The following PREX2 variants were observed in gnomAD, a reference collection of about 807,000 sequenced individuals.
PREX2 encodes phosphatidylinositol-3,4,5-trisphosphate dependent Rac exchange factor 2, also known as phosphatidylinositol 3,4,5-trisphosphate-dependent Rac exchanger 2 protein.
In PREX2, 107 loss-of-function variants were observed where a neutral mutation model predicts 203.2. The observed-to-expected ratio is 0.53, with a 90% CI of 0.45 to 0.62. The LOEUF is 0.62. PREX2 is among the 20% of genes least tolerant of loss of function. The probability of loss-of-function intolerance (pLI) is 0.00; values close to 1 mark genes in which losing one functional copy is unlikely to be tolerated. For missense variants in PREX2, 1,777 were observed against 1,955.9 expected (o/e 0.91, Z 1.72); for synonymous variants, 672 against 663.6 (o/e 1.01, Z -0.19).
At chr8:68,028,118 G>A (rs1028040925) in intron 5 of PREX2, among the ~76,000 whole-genome samples, 1 of 151,636 alleles carries the variant, frequency 6.6e-6, no homozygotes, top group Admixed American at 6.6e-5. Context: ...TTAATGCCTT[G>A]GTTTTTCATT....
At chr8:68,116,843 A>G (rs1406742680) in intron 26 of PREX2, among the ~76,000 whole-genome samples, 1 of 152,134 alleles carries the variant, frequency 6.6e-6, no homozygotes, top group Non-Finnish European at 1.5e-5. Flanking sequence ...AACCCAAAAT[A>G]CTTTCCCTCC....
chr8:68,118,640 C>T lies in PREX2; in HGVS notation c.3417C>T (p.Asp1139=). ...CSSYFHSDEM[D]SGDELPLSVR... is the part of the protein sequence containing the mutation. Reference sequence around the variant, plus strand: ...CGTATTTCCACAGTGATGAAATGGACTCAGGTGTGTTCGTTGGTGAAGGCC... The same window carrying T: ...CGTATTTCCACAGTGATGAAATGGATTCAGGTGTGTTCGTTGGTGAAGGCC... Residue 1139 remains aspartate (D), a synonymous_variant, in exon 27 of 40, where the codon GAC becomes GAT. Transcript: ENST00000288368. The T allele has an allele frequency of 6.2e-7, 1 of 1,611,756 alleles. No homozygotes were observed.
intron 31 of PREX2, among the ~76,000 whole-genome samples, chr8:68,131,605 A>G (rs1811009955): frequency 6.6e-6 from 1 of 152,206 alleles, no homozygotes; most frequent in Non-Finnish European, 1.5e-5. Context: ...CTGATTTGAT[A>G]AAGAGGTTGA....
At chr8:68,070,059 T>G in intron 13 of PREX2, among the ~76,000 whole-genome samples, 175 bp downstream of exon 13, 1 of 152,062 alleles carries the variant, frequency 6.6e-6, no homozygotes, top group East Asian at 1.9e-4. Context: ...CTTAAGATTC[T>G]AATTATATAG....
At chr8:67,996,920 G>A (rs1004428028) in intron 1 of PREX2, among the ~76,000 whole-genome samples, 1 of 152,064 alleles carries the variant, frequency 6.6e-6, no homozygotes, top group Non-Finnish European at 1.5e-5. Context: ...AATTCAACTG[G>A]CATCTTATTA....
At chr8:67,969,524 G>A (rs1028566581) in intron 1 of PREX2, among the ~76,000 whole-genome samples, 1 of 152,138 alleles carries the variant, frequency 6.6e-6, no homozygotes, top group Admixed American at 6.5e-5. Flanking sequence ...TATAACCCAA[G>A]GAGAGGTAGA....
chr8:67,993,021 A>C (rs1031393145), intron 1 of PREX2, among the ~76,000 whole-genome samples: 4 of 152,222 alleles, frequency 2.6e-5, no homozygotes, highest in South Asian at 2.1e-4. Context: ...AACTTGAACC[A>C]CTTGAAACTA....
chr8:68,061,747 G>GCCA (rs1808862717), intron 11 of PREX2, among the ~76,000 whole-genome samples: 1 of 152,152 alleles, frequency 6.6e-6, no homozygotes, highest in Admixed American at 6.5e-5. Flanking sequence ...GCCAGCCAGT[G>GCCA]GGGAGTGGCC....
intron 38 of PREX2, among the ~76,000 whole-genome samples, chr8:68,217,962 A>C (rs763007240): frequency 2.0e-5 from 2 of 101,942 alleles, no homozygotes; most frequent in African/African-American, 5.3e-5. Context: ...GCAGGCAGAA[A>C]GGGACTTGAT....
chr8:68,061,681 C>T (rs1221697181), intron 11 of PREX2, among the ~76,000 whole-genome samples: 1 of 152,122 alleles, frequency 6.6e-6, no homozygotes, highest in African/African-American at 2.4e-5. Flanking sequence ...ATAGCTAATT[C>T]AGGAGGAGGA....
Position 67,952,221 on chromosome 8 carries a change from T to C in PREX2, c.-174T>C. ...CCCCCGCGCCGGGATTTCAGCCCGA[T>C]CCCCTCCTCTCCCTGCGCCCAGCCT... On this transcript the variant is annotated 5_prime_UTR_variant, in exon 1 of 40. Transcript: ENST00000288368. 2.1e-6 allele frequency: 1 copy of C among 481,368 alleles called. No homozygotes were observed. The highest frequency in any genetic ancestry group is 3.2e-6 in the Non-Finnish European group (1 of 308,534). 29.8% of individuals were successfully genotyped at this position (481,368 alleles called of 1,614,324 possible).
chr8:68,136,451 G>T (rs1811114408), intron 32 of PREX2, among the ~76,000 whole-genome samples: 1 of 152,212 alleles, frequency 6.6e-6, no homozygotes, highest in Non-Finnish European at 1.5e-5. Flanking sequence ...CTGGTGGTCT[G>T]TGTGCCCCTG....
At chr8:68,215,428 G>A (rs1346342515) in intron 37 of PREX2, among the ~76,000 whole-genome samples, 1 of 152,120 alleles carries the variant, frequency 6.6e-6, no homozygotes, top group East Asian at 1.9e-4. Flanking sequence ...TGATTAAAAT[G>A]TTAGGATCAA....
intron 34 of PREX2, among the ~76,000 whole-genome samples, chr8:68,156,177 C>T (rs568075830): frequency 3.0e-4 from 46 of 152,280 alleles, no homozygotes; most frequent in African/African-American, 9.9e-4. Context: ...CTTCCCACTT[C>T]AGCCTCCTGA....
At chr8:68,140,563 G>C (rs1811207650) in intron 33 of PREX2, among the ~76,000 whole-genome samples, 1 of 152,172 alleles carries the variant, frequency 6.6e-6, no homozygotes, top group African/African-American at 2.4e-5. Context: ...CTGGGATGGA[G>C]ACTAGTTGGC....
At chr8:68,168,484 T>C (rs1488456279) in intron 35 of PREX2, among the ~76,000 whole-genome samples, 1 of 152,244 alleles carries the variant, frequency 6.6e-6, no homozygotes, top group Non-Finnish European at 1.5e-5. Flanking sequence ...GGAGAAAGCA[T>C]TTTTAAATGT....
intron 1 of PREX2, among the ~76,000 whole-genome samples, chr8:67,987,152 CAAAAAAAAAAAAA>C (rs57315665): frequency 9.1e-5 from 5 of 55,138 alleles, no homozygotes; most frequent in South Asian, 1.5e-3. Context: ...GACTTCATCT[CAAAAAAAAAAAAA>C]AAAAAAAAAA....
rs1238937805 is a variant in PREX2, at chr8:68,233,371, A to T, written c.*1993A>T. On this transcript the variant is annotated 3_prime_UTR_variant, in exon 40 of 40. Transcript: ENST00000288368. Reference sequence around the variant, plus strand: ...TTTCAGTTGTACTTTGCCATATTTCATGGGGCAAATTATCAGCTATATTGT... The same window carrying T: ...TTTCAGTTGTACTTTGCCATATTTCTTGGGGCAAATTATCAGCTATATTGT... 1 of 152,140 alleles carries T rather than the reference A, an allele frequency of 6.6e-6. No individual in the cohort carries two copies. Among genetic ancestry groups the T allele is most frequent in the African/African-American group, 2.4e-5 (1 of 41,442 alleles). The allele number at this position is 152,140 out of a possible 1,614,324, so 9.4% of individuals were successfully genotyped here.
intron 21 of PREX2, among the ~76,000 whole-genome samples, chr8:68,095,536 TA>T (rs1810036695): frequency 1.3e-5 from 2 of 148,366 alleles, no homozygotes; most frequent in East Asian, 3.9e-4. Context: ...TACATACATA[TA>T]TGTGTGTGTG....
Sources: allele counts gnomAD v4.1 joint callset (sites outside exome capture counted in the v4.1 genomes callset), GRCh38; gene constraint gnomAD v4.1.1; transcripts MANE v1.5; gene names NCBI Gene and HGNC (gene_info 2026-07-23, HGNC 2026-07-21).